The following ZNF469 variants were observed in gnomAD, a reference collection of about 807,000 sequenced individuals.
The protein encoded by ZNF469 is zinc finger protein 469.
Under a neutral mutation model 1.0 loss-of-function variants are expected in ZNF469, and 1 was observed. The observed-to-expected ratio is 1.00, with a 90% CI of 0.35 to 4.73. The LOEUF is 4.73. Ranked by LOEUF, ZNF469 falls within the 30% of genes most tolerant of loss-of-function variation. The pLI is 0.16. For missense variants in ZNF469, 6,100 were observed against 5,356.3 expected, an observed-to-expected ratio of 1.14 and a Z score of -4.33; for synonymous variants, 2,703 against 2,363.4, an observed-to-expected ratio of 1.14 and a Z score of -4.17.
At chr16:88,374,635 G>T in the ZNF469 span, among the ~76,000 whole-genome samples, 1 of 152,190 alleles carries the variant, frequency 6.6e-6, no homozygotes. Context: ...TCTTGTGATG[G>T]GTAGGATGTT....
At chr16:88,136,007 C>G in the ZNF469 span, among the ~76,000 whole-genome samples, 6 of 152,068 alleles carry the variant, frequency 3.9e-5, no homozygotes, top group Middle Eastern at 3.2e-3. Context: ...GATCCACCCA[C>G]CTTCGCCTCC....
intron 1 of ZNF469, among the ~76,000 whole-genome samples, chr16:88,397,231 C>T (rs1302440280): frequency 2.0e-5 from 3 of 152,240 alleles, no homozygotes; most frequent in East Asian, 1.9e-4. Context: ...CTCTCATTGG[C>T]GGACCCGGTG....
chr16:88,378,929 G>A (rs1425868047), upstream of ZNF469, among the ~76,000 whole-genome samples: 2 of 152,188 alleles, frequency 1.3e-5, no homozygotes, highest in Non-Finnish European at 2.9e-5. Flanking sequence ...GGGCAGGCGT[G>A]GGCCCACACG....
the ZNF469 span, among the ~76,000 whole-genome samples, chr16:88,233,201 G>A: frequency 1.1e-3 from 160 of 152,336 alleles, no homozygotes; most frequent in African/African-American, 3.7e-3. Flanking sequence ...GGGCACCGCG[G>A]CAAGCATCTC....
At chr16:88,226,635 C>T in the ZNF469 span, among the ~76,000 whole-genome samples, 1 of 152,178 alleles carries the variant, frequency 6.6e-6, no homozygotes, top group East Asian at 1.9e-4. Flanking sequence ...GCAGATGTCA[C>T]CCTCCAGACA....
the ZNF469 span, among the ~76,000 whole-genome samples, chr16:88,233,842 T>C: frequency 6.6e-6 from 1 of 152,354 alleles, no homozygotes; most frequent in African/African-American, 2.4e-5. Context: ...TGCAGCCGCC[T>C]TCTTGGTTGC....
the ZNF469 span, among the ~76,000 whole-genome samples, chr16:88,247,405 T>C: frequency 4.0e-5 from 6 of 148,298 alleles, no homozygotes; most frequent in East Asian, 1.2e-3. Context: ...AGTAAATAAG[T>C]GAGTGAGTGA....
the ZNF469 span, among the ~76,000 whole-genome samples, chr16:88,192,593 G>T: frequency 6.6e-6 from 1 of 152,270 alleles, no homozygotes; most frequent in Non-Finnish European, 1.5e-5. Flanking sequence ...CCGAGGGGCT[G>T]GTCCACAGTC....
At chr16:88,229,912 G>T in the ZNF469 span, among the ~76,000 whole-genome samples, 12 of 152,206 alleles carry the variant, frequency 7.9e-5, no homozygotes, top group African/African-American at 2.4e-4. Flanking sequence ...CACGGGGCCA[G>T]TGGCTCTCCC....
rs565787076 is a variant in ZNF469 at position 88,429,851 on chromosome 16, C to G, written c.2381C>G (p.Ala794Gly). ...GCACACGCGGGCTTGCTCAGCCACGCGAAGACCTTCCTGTTAGCTGGGGAC... is the reference window on the plus strand; with the variant it reads ...GCACACGCGGGCTTGCTCAGCCACGGGAAGACCTTCCTGTTAGCTGGGGAC... ...ADAHAGLLSH[A>G]KTFLLAGDAQ... is the part of the protein sequence containing the mutation. Residue 794 changes from alanine (A) to glycine (G), a missense_variant, in exon 3 of 3, where the codon GCG becomes GGG. Physicochemically the swap from Ala to Gly is moderately conservative, Grantham distance 60 (BLOSUM62 0). Transcript: ENST00000565624. 2 of 1,549,696 alleles carry G rather than the reference C, an allele frequency of 1.3e-6. No individual in the cohort carries two copies. Among genetic ancestry groups the G allele is most frequent in the Non-Finnish European group, 1.7e-6 (2 of 1,146,668 alleles).
chr16:88,241,735 A>C, the ZNF469 span, among the ~76,000 whole-genome samples: 1 of 152,194 alleles, frequency 6.6e-6, no homozygotes, highest in Non-Finnish European at 1.5e-5. This position sits in a 1 kb window ranked among gnomAD's most constrained non-coding sequence, Gnocchi z 4.8. Flanking sequence ...CATGGGGAGA[A>C]GGATGCCATG....
Position 88,430,508 on chromosome 16 carries a change from C to G in ZNF469, c.3038C>G (p.Pro1013Arg). Residue 1013 changes from proline (P) to arginine (R), a missense_variant, in exon 3 of 3, where the codon CCG (proline) becomes CGG (arginine). Transcript: ENST00000565624. ...GSRADPAPRV[P>R]RAAALPEETR... ...CGCGCAGACCCCGCGCCCCGGGTCC[C>G]GAGAGCCGCCGCCCTCCCCGAGGAG... 3 of 1,425,272 alleles carry G rather than the reference C, an allele frequency of 2.1e-6. No individual in the cohort carries two copies. Among genetic ancestry groups the G allele is most frequent in the Non-Finnish European group, 2.7e-6 (3 of 1,099,636 alleles). 88.3% of individuals were successfully genotyped at this position (1,425,272 alleles called of 1,614,324 possible). A position where few individuals can be genotyped will look rare whatever the true frequency, so the allele number is the denominator to read the frequency against.
Position 88,434,921 on chromosome 16 carries a change from G to T in ZNF469, c.7451G>T (p.Gly2484Val). 1.9e-6 allele frequency: 3 copies of T among 1,550,194 alleles called. No homozygotes were observed. The highest frequency in any genetic ancestry group is 4.9e-5 in the East Asian group (2 of 40,926). Residue 2484 changes from glycine (G) to valine (V), a missense_variant, in exon 3 of 3, where the codon GGG becomes GTG. Coordinates refer to ENST00000565624, the MANE Select transcript of ZNF469 (RefSeq NM_001367624.2). ...CEVCAASFRS[G>V]PGLSRHKARK... ...GTCTGCGCAGCCTCCTTCCGCTCCG[G>T]GCCGGGCCTGAGCCGGCACAAGGCC...
chr16:88,364,380 T>A, the ZNF469 span, among the ~76,000 whole-genome samples: 1 of 151,906 alleles, frequency 6.6e-6, no homozygotes, highest in African/African-American at 2.4e-5. Context: ...AGTCACAATA[T>A]CTTGTGGTGG....
At chr16:88,231,508 G>A in the ZNF469 span, among the ~76,000 whole-genome samples, 71 of 151,804 alleles carry the variant, frequency 4.7e-4, no homozygotes, top group African/African-American at 1.5e-3. The surrounding 1 kb of genome is among the most constrained non-coding windows in gnomAD (Gnocchi z 4.5). Context: ...CACACACCTC[G>A]CTGGGCTAAA....
At chr16:88,184,829 C>A in the ZNF469 span, among the ~76,000 whole-genome samples, 126 of 152,370 alleles carry the variant, frequency 8.3e-4, 2 homozygotes, top group East Asian at 0.022. Context: ...TCAGGGGACA[C>A]TCCCTCTCGG....
chr16:88,402,166 G>A lies in ZNF469; in HGVS notation c.-192+18912G>A, dbSNP rs375065642. ...GCATGGGTAGATGGATGGAGAGATG[G>A]TGGATGGATGGGTGGGCGAATGGAT... On this transcript the variant is annotated intron_variant, in intron 1 of 2. Coordinates refer to ENST00000565624, the MANE Select transcript of ZNF469 (RefSeq NM_001367624.2). Among the ~76,000 whole-genome samples the A allele has an allele frequency of 1.8e-3, 272 of 152,034 alleles. 1 individual carries two copies. Among genetic ancestry groups the A allele is most frequent in the African/African-American group, 6.2e-3 (256 of 41,442 alleles).
At chr16:88,214,108 A>T in the ZNF469 span, among the ~76,000 whole-genome samples, 1 of 152,188 alleles carries the variant, frequency 6.6e-6, no homozygotes, top group Non-Finnish European at 1.5e-5. Flanking sequence ...TTAACAGGGA[A>T]CTGTGTGTGT....
chr16:88,124,594 T>G, the ZNF469 span, among the ~76,000 whole-genome samples: 2 of 6,580 alleles, frequency 3.0e-4, no homozygotes, highest in East Asian at 3.9e-3. Context: ...TGTTTTTGGT[T>G]TTTTTTTGAG....
Sources: allele counts gnomAD v4.1 joint callset (sites outside exome capture counted in the v4.1 genomes callset), GRCh38; gene constraint gnomAD v4.1.1; non-coding constraint Gnocchi (gnomAD v3.1); transcripts MANE v1.5; gene names NCBI Gene and HGNC (gene_info 2026-07-23, HGNC 2026-07-21).